The following ANO4 variants were observed in gnomAD, a reference collection of about 807,000 sequenced individuals.
ANO4 encodes the protein anoctamin 4, also known as anoctamin-4.
In ANO4, 69 loss-of-function variants were observed where a neutral mutation model predicts 141.9. The observed-to-expected ratio is 0.49, with a 90% confidence interval of 0.40 to 0.59. The LOEUF is 0.59. Among genes scored for constraint, ANO4 ranks in the 20% least tolerant of loss-of-function variants. ANO4 has a pLI of 0.00. For synonymous variants in ANO4, 350 were observed against 394.3 expected, an observed-to-expected ratio of 0.89 and a Z score of 1.33; for missense variants, 894 against 1,162.2, an observed-to-expected ratio of 0.77 and a Z score of 3.36.
At chr12:101,072,746 GA>G (rs577175811) in intron 14 of ANO4, among the ~76,000 whole-genome samples, 21 of 149,070 alleles carry the variant, frequency 1.4e-4, no homozygotes, top group South Asian at 1.1e-3. Context: ...ACTTACAAGG[GA>G]AAAAAAAACA....
intron 1 of ANO4, among the ~76,000 whole-genome samples, chr12:100,803,952 T>C (rs978967746): frequency 2.0e-5 from 3 of 152,138 alleles, no homozygotes; most frequent in Admixed American, 6.6e-5. Flanking sequence ...GCTTTTTTTT[T>C]TTCTTCTTCA....
intron 1 of ANO4, among the ~76,000 whole-genome samples, chr12:100,875,762 AG>A (rs1250493713): frequency 1.3e-5 from 2 of 152,188 alleles, no homozygotes; most frequent in Admixed American, 6.5e-5. Flanking sequence ...AGAGGATTCA[AG>A]AATGACTTTC....
At chr12:101,088,656 G>T (rs560009330) in intron 17 of ANO4, among the ~76,000 whole-genome samples, 12 of 151,886 alleles carry the variant, frequency 7.9e-5, no homozygotes, top group Non-Finnish European at 1.3e-4. Context: ...CGGCTGCTGA[G>T]GTCAACCTAT....
chr12:100,961,415 A>T (rs949114580), intron 5 of ANO4, among the ~76,000 whole-genome samples: 3 of 152,194 alleles, frequency 2.0e-5, no homozygotes, highest in Non-Finnish European at 4.4e-5. Context: ...AGTGTTATGT[A>T]TCCTTATGAG....
exon 3 of ANO4, chr12:100,739,978 G>T (rs960647464): frequency 2.8e-6 from 2 of 702,368 alleles, no homozygotes; most frequent in African/African-American, 3.5e-5. Context: ...GCATCCCTGT[G>T]TACCACCGAT....
chr12:100,765,360 G>A (rs2033029416), intron 3 of ANO4, among the ~76,000 whole-genome samples: 1 of 141,430 alleles, frequency 7.1e-6, no homozygotes, highest in Non-Finnish European at 1.5e-5. Flanking sequence ...TGTCAGTTCT[G>A]TTTATATTTT....
chr12:100,756,076 A>G (rs2032596406), intron 3 of ANO4, among the ~76,000 whole-genome samples: 1 of 152,188 alleles, frequency 6.6e-6, no homozygotes, highest in African/African-American at 2.4e-5. Flanking sequence ...AGTGTCAGAT[A>G]CATTTTTCTT....
At position 100,822,583 on chromosome 12, in the gene ANO4, C is replaced by A. The variant is rs533453001; in HGVS notation, c.-141+27556C>A. On this transcript the variant is annotated intron_variant, in intron 1 of 27. Coordinates refer to ENST00000392977, the MANE Select transcript of ANO4 (RefSeq NM_001286615.2). ...CAGAAAGGCAGGAGGCAAATTTTTTCCAAAGAAATCCAAAACAATAGGTAA... is the reference window on the plus strand; with the variant it reads ...CAGAAAGGCAGGAGGCAAATTTTTTACAAAGAAATCCAAAACAATAGGTAA... Among the ~76,000 whole-genome samples, 4 of 151,896 alleles carry A rather than the reference C, an allele frequency of 2.6e-5. No homozygotes were observed. In the South Asian group the frequency reaches 8.3e-4, roughly 32 times the overall value.
intron 5 of ANO4, among the ~76,000 whole-genome samples, chr12:100,953,759 A>G (rs909680006): frequency 6.6e-6 from 1 of 152,202 alleles, no homozygotes; most frequent in Non-Finnish European, 1.5e-5. Flanking sequence ...TGGAATTTGC[A>G]TGTCTAAACC....
At chr12:100,744,688 A>G (rs905487577) in intron 3 of ANO4, among the ~76,000 whole-genome samples, 1 of 152,186 alleles carries the variant, frequency 6.6e-6, no homozygotes, top group African/African-American at 2.4e-5. Flanking sequence ...TCTGCTGGCC[A>G]TCAGCCTCCA....
At chr12:101,004,225 G>A (rs569104462) in intron 8 of ANO4, among the ~76,000 whole-genome samples, 4 of 152,148 alleles carry the variant, frequency 2.6e-5, no homozygotes, top group African/African-American at 9.6e-5. Context: ...AAGTGAAGCA[G>A]CTACTGCCTC....
intron 3 of ANO4, among the ~76,000 whole-genome samples, chr12:100,748,781 T>A (rs992363758): frequency 6.6e-6 from 1 of 152,186 alleles, no homozygotes; most frequent in Non-Finnish European, 1.5e-5. Context: ...CTGATTTTAA[T>A]TGAGCATTGT....
intron 5 of ANO4, among the ~76,000 whole-genome samples, chr12:100,944,525 G>A (rs942925669): frequency 6.6e-6 from 1 of 151,418 alleles, no homozygotes; most frequent in African/African-American, 2.4e-5. Flanking sequence ...TCTTCTCTGG[G>A]CATCACCTTC....
At chr12:100,736,748 AAGAGACAC>A (rs1045650358) in intron 2 of ANO4, among the ~76,000 whole-genome samples, 1 of 152,150 alleles carries the variant, frequency 6.6e-6, no homozygotes, top group African/African-American at 2.4e-5. Context: ...ATAAGAAGGG[AAGAGACAC>A]AGAGACCATA....
intron 1 of ANO4, among the ~76,000 whole-genome samples, chr12:100,725,986 C>T (rs139357926): frequency 6.1e-4 from 93 of 152,290 alleles, no homozygotes; most frequent in African/African-American, 2.1e-3. Context: ...TGAGCGGTCA[C>T]CCCTCAGAAC....
intron 5 of ANO4, among the ~76,000 whole-genome samples, chr12:100,955,263 C>T (rs1023693194): frequency 6.6e-6 from 1 of 152,246 alleles, no homozygotes; most frequent in African/African-American, 2.4e-5. Flanking sequence ...CTTCCGTCTG[C>T]TCCATAGGAC....
At chr12:100,986,037 A>AGGG (rs2044692154) in intron 7 of ANO4, among the ~76,000 whole-genome samples, 1 of 152,166 alleles carries the variant, frequency 6.6e-6, no homozygotes, top group African/African-American at 2.4e-5. Context: ...TCCCCAGTGC[A>AGGG]GGTGGGTGCC....
Position 101,069,116 on chromosome 12 carries a change from C to T in ANO4, c.1313-10077C>T, listed in dbSNP as rs868130201. ...AAAGGAAGAACTGATAAATTTCAAA[C>T]GGAAGAAAGTGGCAGCATTTAGAAA... On this transcript the variant is annotated intron_variant, in intron 14 of 27. Coordinates refer to ENST00000392977, the MANE Select transcript of ANO4 (RefSeq NM_001286615.2). 1.3e-4 allele frequency: 174 copies of T among 1,289,476 alleles called. 1 individual carries two copies. The highest frequency in any genetic ancestry group is 7.9e-4 in the African/African-American group (54 of 68,468). The allele number at this position is 1,289,476 out of a possible 1,614,324, so 79.9% of individuals were successfully genotyped here. A position where few individuals can be genotyped will look rare whatever the true frequency, so the allele number is the denominator to read the frequency against.
In ANO4 at chr12:100,974,893, A is replaced by G; in HGVS notation, c.602+4A>G. The G allele has an allele frequency of 1.9e-6, 3 of 1,614,032 alleles. No homozygotes were observed. Among genetic ancestry groups the G allele is most frequent in the Non-Finnish European group, 2.5e-6 (3 of 1,179,942 alleles). Reference sequence around the variant, plus strand: ...GCCGTTACAAGTTCATGAGCAGGTTAGTAGCACGCTCTGTCCTGACAGTGT... The same window carrying G: ...GCCGTTACAAGTTCATGAGCAGGTTGGTAGCACGCTCTGTCCTGACAGTGT... On this transcript the variant is annotated splice_donor_region_variant and intron_variant, in intron 7 of 27. Transcript: ENST00000392977.
Sources: allele counts gnomAD v4.1 joint callset (sites outside exome capture counted in the v4.1 genomes callset), GRCh38; gene constraint gnomAD v4.1.1; transcripts MANE v1.5; gene names NCBI Gene and HGNC (gene_info 2026-07-23, HGNC 2026-07-21).